The following GCFC2 variants were observed in gnomAD, a reference collection of about 807,000 sequenced individuals.
GCFC2 encodes intron Large complex component GCFC2.
In GCFC2, 102 loss-of-function variants were observed where a neutral mutation model predicts 99.4. The observed-to-expected ratio is 1.03, with a 90% confidence interval of 0.87 to 1.21. The LOEUF is 1.21. Among genes scored for constraint, GCFC2 ranks in the 50% most tolerant of loss-of-function variants. The pLI is 0.00. For synonymous variants in GCFC2, 338 were observed against 316.8 expected, an observed-to-expected ratio of 1.07 and a Z score of -0.71; for missense variants, 973 against 920.9, an observed-to-expected ratio of 1.06 and a Z score of -0.73.
intron 12 of GCFC2, among the ~76,000 whole-genome samples, chr2:75,677,870 C>T (rs139090197): frequency 1.3e-4 from 19 of 151,332 alleles, no homozygotes; most frequent in African/African-American, 3.9e-4. Flanking sequence ...CCCAGCTACT[C>T]GGGAGGCTGA....
rs1048252133 is a variant in GCFC2 at position 75,689,041 on chromosome 2, A to G, written c.1524T>C (p.Asp508=). The G allele has an allele frequency of 1.2e-5, 18 of 1,554,730 alleles. No individual in the cohort carries two copies. Among genetic ancestry groups the G allele is most frequent in the African/African-American group, 2.7e-5 (2 of 73,102 alleles). Reference sequence around the variant, plus strand: ...GCATAAATACCTTAAGAGGATTCCAATCAATCAACTGAACTCGTATTAGGG... The same window carrying G: ...GCATAAATACCTTAAGAGGATTCCAGTCAATCAACTGAACTCGTATTAGGG... ...LNPLIRVQLI[D]WNPLKLESTG... Residue 508 remains aspartate (D), a synonymous_variant, in exon 10 of 17, where the codon GAT becomes GAC. Coordinates refer to ENST00000321027, the MANE Select transcript of GCFC2 (RefSeq NM_003203.5).
At chr2:75,702,467 G>GT in intron 2 of GCFC2, 44 bp from the exon 3 acceptor site, 1 of 1,490,448 alleles carries the variant, frequency 6.7e-7, no homozygotes, top group Middle Eastern at 1.8e-4. Flanking sequence ...AAAGACCAAT[G>GT]TAAGTAAATA....
At chr2:75,675,811 A>G (rs991363471) in intron 12 of GCFC2, among the ~76,000 whole-genome samples, 1 of 152,074 alleles carries the variant, frequency 6.6e-6, no homozygotes, top group Non-Finnish European at 1.5e-5. Context: ...AAACCGTGAG[A>G]TATTAACTTT....
At chr2:75,702,075 G>C (rs769839663) in intron 3 of GCFC2, 124 bp downstream of exon 3, 1 of 1,459,438 alleles carries the variant, frequency 6.9e-7, no homozygotes, top group South Asian at 1.5e-5. Context: ...GGACCAAATC[G>C]ATGTTAAAAA....
rs1183702406 is a variant in GCFC2 at position 75,663,793 on chromosome 2, G to A, written c.*873C>T. On this transcript the variant is annotated 3_prime_UTR_variant, in exon 17 of 17. Coordinates refer to ENST00000321027, the MANE Select transcript of GCFC2 (RefSeq NM_003203.5). The stretch of plus-strand genomic sequence containing the variant: ...GAGGATTGCTTGAGCCCAGAAGGCA[G>A]AGGTTGCAGTGAGCCGAGATTGTGC... The A allele has an allele frequency of 6.6e-6, 1 of 152,310 alleles. No homozygotes were observed. The highest frequency in any genetic ancestry group is 2.4e-5 in the African/African-American group (1 of 41,414). 9.4% of individuals were successfully genotyped at this position (152,310 alleles called of 1,614,324 possible). A position where few individuals can be genotyped will look rare whatever the true frequency, so the allele number is the denominator to read the frequency against.
rs939458171 is a variant in GCFC2 at position 75,710,863 on chromosome 2, G to C, written c.-8C>G. On this transcript the variant is annotated 5_prime_UTR_variant, in exon 1 of 17. Coordinates refer to ENST00000321027, the MANE Select transcript of GCFC2 (RefSeq NM_003203.5). ...TTTCGGCCTGTGAGCCATGGCCGAG[G>C]CCCGAGCGCCCGGCGCCCTAGAACC... The C allele has an allele frequency of 1.9e-6, 3 of 1,542,028 alleles. No homozygotes were observed. The African/African-American group carries it at 4.3e-5, about 22-fold the overall frequency.
chr2:75,684,410 A>T (rs1021940788), intron 11 of GCFC2, among the ~76,000 whole-genome samples: 3 of 152,234 alleles, frequency 2.0e-5, no homozygotes, highest in Non-Finnish European at 4.4e-5. Context: ...AGGCAGAAGT[A>T]AAGATGTTCT....
chr2:75,710,438 C>G, intron 1 of GCFC2, 153 bp downstream of exon 1: 2 of 1,368,052 alleles, frequency 1.5e-6, no homozygotes, highest in Non-Finnish European at 1.9e-6. Flanking sequence ...TTTTCTCGCT[C>G]ACTACCTTCT....
rs181592448 is a variant in GCFC2, at chr2:75,707,369, A to G, written c.266-718T>C. ...ACCCACAGGGGTGTTGTGAAAATTG[A>G]ATGAACAAAATAAAGGAATTCTTGA... On this transcript the variant is annotated intron_variant, in intron 1 of 16. Coordinates refer to ENST00000321027, the MANE Select transcript of GCFC2 (RefSeq NM_003203.5). 1.5e-3 allele frequency among the ~76,000 whole-genome samples: 234 copies of G among 152,304 alleles called. 1 individual carries two copies. The highest frequency in any genetic ancestry group is 6.8e-3 in the Middle Eastern group (2 of 294).
intron 9 of GCFC2, 57 bp from the exon 10 acceptor site, chr2:75,689,282 C>A: frequency 1.1e-6 from 1 of 915,670 alleles, no homozygotes; most frequent in South Asian, 1.5e-5. Context: ...AAGTATGCTT[C>A]CTTAAAAACA....
chr2:75,691,417 G>C (rs936562757), intron 7 of GCFC2, among the ~76,000 whole-genome samples: 1 of 151,970 alleles, frequency 6.6e-6, no homozygotes, highest in African/African-American at 2.4e-5. Flanking sequence ...ATTTTAATAC[G>C]TAATACCATT....
Position 75,706,607 on chromosome 2 carries a change from G to A in GCFC2, c.310C>T (p.His104Tyr), listed in dbSNP as rs760382106. The change falls in exon 2 of 17, where the codon CAT (histidine) becomes TAT (tyrosine). Residue 104 changes from histidine (H) to tyrosine (Y), a missense_variant. His to Tyr is a moderately conservative substitution (Grantham distance 83). Coordinates refer to ENST00000321027, the MANE Select transcript of GCFC2 (RefSeq NM_003203.5). Reference protein sequence around the residue: ...DVSTDEEDKIHHSSESKDDQG... With the variant: ...DVSTDEEDKIYHSSESKDDQG... ...TCATCCTTACTTTCTGAGGAGTGAT[G>A]TATTTTATCCTCTTCATCTGTGGAC... is the stretch of plus-strand genomic sequence containing the variant. 2.5e-6 allele frequency: 4 copies of A among 1,586,698 alleles called. No individual in the cohort carries two copies. The highest frequency in any genetic ancestry group is 1.1e-5 in the South Asian group (1 of 90,512).
At chr2:75,680,540 C>T (rs1240417066) in intron 11 of GCFC2, among the ~76,000 whole-genome samples, 3 of 152,162 alleles carry the variant, frequency 2.0e-5, no homozygotes, top group Non-Finnish European at 2.9e-5. Flanking sequence ...GTTAAGTTCA[C>T]CTTGTCACTG....
chr2:75,679,181 G>A (rs1679466692), intron 12 of GCFC2, among the ~76,000 whole-genome samples: 1 of 152,162 alleles, frequency 6.6e-6, no homozygotes, highest in Admixed American at 6.5e-5. Flanking sequence ...CTTCTTGAAG[G>A]CAGAATTAGG....
At chr2:75,710,323 TC>T in intron 1 of GCFC2, 1 of 563,174 alleles carries the variant, frequency 1.8e-6, no homozygotes, top group East Asian at 3.6e-5. Flanking sequence ...ACTGATGGAG[TC>T]AACTGATGGT....
chr2:75,668,339 G>GAAAACCAAAACAAAAC lies in GCFC2; in HGVS notation c.2103+1798_2103+1799insGTTTTGTTTTGGTTTT, dbSNP rs567893132. Reference sequence around the variant, plus strand: ...GCTTAGAATGCATATAAGTGCTAAAGAAAACAAAACAAAACAAAACAAAAC... The same window carrying GAAAACCAAAACAAAAC: ...GCTTAGAATGCATATAAGTGCTAAAGAAAACCAAAACAAAACAAAACAAAACAAAACAAAACAAAAC... On this transcript the variant is annotated intron_variant, in intron 15 of 16. Coordinates refer to ENST00000321027, the MANE Select transcript of GCFC2 (RefSeq NM_003203.5). Among the ~76,000 whole-genome samples, 203 of 151,750 alleles carry GAAAACCAAAACAAAAC rather than the reference G, an allele frequency of 1.3e-3. 1 individual carries two copies. The highest frequency in any genetic ancestry group is 4.7e-3 in the African/African-American group (195 of 41,342).
intron 11 of GCFC2, among the ~76,000 whole-genome samples, chr2:75,682,086 G>A (rs190052355): frequency 1.3e-4 from 20 of 152,006 alleles, no homozygotes; most frequent in South Asian, 4.1e-4. Context: ...CACAGTGTTC[G>A]AGCTCTGCTA....
intron 5 of GCFC2, 91 bp from the exon 6 acceptor site, chr2:75,694,518 C>A (rs1680221583): frequency 2.1e-6 from 1 of 475,350 alleles, no homozygotes. Context: ...ACCAAGGAAA[C>A]TGACAATCAT....
intron 15 of GCFC2, among the ~76,000 whole-genome samples, chr2:75,668,551 TATAAA>T (rs779556905): frequency 6.6e-6 from 1 of 152,150 alleles, no homozygotes; most frequent in African/African-American, 2.4e-5. Flanking sequence ...TGTTTTTAAT[TATAAA>T]ATAATTATTT....
Sources: allele counts gnomAD v4.1 joint callset (sites outside exome capture counted in the v4.1 genomes callset), GRCh38; gene constraint gnomAD v4.1.1; transcripts MANE v1.5; gene names NCBI Gene and HGNC (gene_info 2026-07-23, HGNC 2026-07-21).